Variants in GNA14 observed in about 807,000 individuals in gnomAD.
The protein encoded by GNA14 is guanine nucleotide-binding protein subunit alpha-14.
Under a neutral mutation model 42.0 loss-of-function variants are expected in GNA14, and 50 were observed. The ratio of observed to expected loss-of-function variants is 1.19; its 90% CI spans 0.95 to 1.51. GNA14 has a LOEUF of 1.51. Ranked by LOEUF, GNA14 falls within the 40% of genes most tolerant of loss-of-function variation. The probability of loss-of-function intolerance (pLI) is 0.00; values close to 1 mark genes in which losing one functional copy is unlikely to be tolerated. For missense variants in GNA14, 473 were observed against 446.2 expected (o/e 1.06, Z -0.54); for synonymous variants, 173 against 163.1 (o/e 1.06, Z -0.46).
intron 1 of GNA14, among the ~76,000 whole-genome samples, chr9:77,569,197 C>T (rs529990470): frequency 1.2e-4 from 18 of 152,002 alleles, no homozygotes; most frequent in South Asian, 1.0e-3. Context: ...GTTCCCTCCC[C>T]GCAGAAGGTG....
intron 2 of GNA14, among the ~76,000 whole-genome samples, chr9:77,523,750 C>G (rs1722022984): frequency 1.3e-5 from 2 of 152,250 alleles, no homozygotes; most frequent in South Asian, 4.2e-4. Context: ...CTGTGAAGAG[C>G]CTGTAGGCCT....
intron 2 of GNA14, among the ~76,000 whole-genome samples, chr9:77,476,597 T>G (rs781758167): frequency 6.6e-6 from 1 of 152,248 alleles, no homozygotes; most frequent in African/African-American, 2.4e-5. Flanking sequence ...AACTGGTGAC[T>G]TCAACACATA....
At chr9:77,564,557 G>A (rs1045999092) in intron 1 of GNA14, among the ~76,000 whole-genome samples, 7 of 152,112 alleles carry the variant, frequency 4.6e-5, no homozygotes, top group Non-Finnish European at 7.3e-5. Flanking sequence ...GGCTGGGCAT[G>A]GTGGCTCATG....
At chr9:77,452,092 T>C (rs1441851670) in intron 2 of GNA14, among the ~76,000 whole-genome samples, 2 of 152,082 alleles carry the variant, frequency 1.3e-5, no homozygotes, top group Admixed American at 6.5e-5. Context: ...AGAGACACGA[T>C]CCAGTAAGAG....
intron 2 of GNA14, chr9:77,517,585 C>CTT (rs1564039528): frequency 8.2e-5 from 4 of 48,844 alleles, no homozygotes; most frequent in African/African-American, 2.4e-4. Flanking sequence ...TATCCTGGTA[C>CTT]TTTTCTTTTT....
At chr9:77,580,895 A>G (rs1387700936) in intron 1 of GNA14, among the ~76,000 whole-genome samples, 2 of 152,136 alleles carry the variant, frequency 1.3e-5, no homozygotes. Context: ...TTTTAAAAGA[A>G]TCTACTGACG....
intron 2 of GNA14, among the ~76,000 whole-genome samples, chr9:77,481,877 C>A (rs1836558602): frequency 6.6e-6 from 1 of 152,064 alleles, no homozygotes; most frequent in South Asian, 2.1e-4. Flanking sequence ...GCAACTCCTG[C>A]CTTTTTCTGT....
In GNA14 at chr9:77,647,875, TGC is replaced by T; in HGVS notation, c.-84_-83del. 3 of 1,501,450 alleles carry T rather than the reference TGC, an allele frequency of 2.0e-6. No homozygotes were observed. In the Admixed American group the frequency reaches 6.0e-5, roughly 30 times the overall value. The allele number at this position is 1,501,450 out of a possible 1,614,324, so 93.0% of individuals were successfully genotyped here. ...GGCCCGGCCGCTCACCCGGCCAGCATGCGACGGGCACAGGGGTGTGGAAAGAA... is the reference window on the plus strand; with the variant it reads ...GGCCCGGCCGCTCACCCGGCCAGCATGACGGGCACAGGGGTGTGGAAAGAA... On this transcript the variant is annotated 5_prime_UTR_variant, in exon 1 of 7. Coordinates refer to ENST00000341700, the MANE Select transcript of GNA14 (RefSeq NM_004297.4).
chr9:77,566,145 C>CTTTTT (rs956489720), intron 1 of GNA14, among the ~76,000 whole-genome samples: 12 of 102,494 alleles, frequency 1.2e-4, no homozygotes, highest in African/African-American at 2.0e-4. Flanking sequence ...GGGAGTGCTT[C>CTTTTT]TTTTTTTTTT....
intron 1 of GNA14, among the ~76,000 whole-genome samples, chr9:77,531,044 C>T (rs1434111100): frequency 1.3e-5 from 2 of 152,178 alleles, no homozygotes; most frequent in Non-Finnish European, 2.9e-5. Context: ...GTTAGCCCTG[C>T]CTGCTTTAGG....
intron 1 of GNA14, among the ~76,000 whole-genome samples, chr9:77,574,454 G>A (rs920044497): frequency 6.6e-5 from 10 of 152,172 alleles, no homozygotes; most frequent in African/African-American, 2.2e-4. Context: ...GTAGTTTATA[G>A]CTAATGATGA....
intron 2 of GNA14, among the ~76,000 whole-genome samples, chr9:77,481,026 G>A (rs1279347699): frequency 1.3e-5 from 2 of 151,900 alleles, no homozygotes; most frequent in East Asian, 3.9e-4. Context: ...TTTTTTGAAG[G>A]GTTTTTTGTG....
intron 2 of GNA14, among the ~76,000 whole-genome samples, chr9:77,519,300 A>G (rs1837312280): frequency 6.6e-6 from 1 of 152,062 alleles, no homozygotes; most frequent in African/African-American, 2.4e-5. Flanking sequence ...ATTCCCAGCT[A>G]TTCGGGAGGC....
At chr9:77,558,644 AG>A (rs1564053404) in intron 1 of GNA14, among the ~76,000 whole-genome samples, 1 of 152,126 alleles carries the variant, frequency 6.6e-6, no homozygotes, top group African/African-American at 2.4e-5. Context: ...AAACCAGATG[AG>A]GTTCTCCATT....
chr9:77,480,906 T>C lies in GNA14; in HGVS notation c.310-46384A>G, dbSNP rs540786427. On this transcript the variant is annotated intron_variant, in intron 2 of 6. Transcript: ENST00000341700. Reference sequence around the variant, plus strand: ...ATCAGTGGTGATATTCCCTTTATCATTTTTTTATTGCGTCTATTTGATTCT... The same window carrying C: ...ATCAGTGGTGATATTCCCTTTATCACTTTTTTATTGCGTCTATTTGATTCT... Among the ~76,000 whole-genome samples the C allele has an allele frequency of 1.6e-4, 25 of 152,178 alleles. No homozygotes were observed. The East Asian group carries it at 4.6e-3, about 28-fold the overall frequency.
At chr9:77,644,626 C>G (rs900304323) in intron 1 of GNA14, among the ~76,000 whole-genome samples, 1 of 152,134 alleles carries the variant, frequency 6.6e-6, no homozygotes, top group Admixed American at 6.5e-5. Flanking sequence ...AATTAATTTC[C>G]TTTGTTGAAG....
At chr9:77,441,185 A>G (rs992859015) in intron 2 of GNA14, among the ~76,000 whole-genome samples, 1 of 152,160 alleles carries the variant, frequency 6.6e-6, no homozygotes, top group Non-Finnish European at 1.5e-5. Flanking sequence ...CTGAATTGTA[A>G]TTCCCGTAAT....
chr9:77,556,729 C>T (rs1822786783), intron 1 of GNA14, among the ~76,000 whole-genome samples: 1 of 152,124 alleles, frequency 6.6e-6, no homozygotes, highest in Non-Finnish European at 1.5e-5. Flanking sequence ...ATGTGCCCTA[C>T]CACCACCCCC....
chr9:77,548,771 G>GTAAA (rs1408626118), intron 1 of GNA14, among the ~76,000 whole-genome samples: 1 of 152,150 alleles, frequency 6.6e-6, no homozygotes, highest in Non-Finnish European at 1.5e-5. Context: ...TTGATTAGGA[G>GTAAA]TAAATGTGCA....
Sources: gnomAD v4.1 joint callset for allele counts (sites outside exome capture counted in the v4.1 genomes callset) on GRCh38, gnomAD v4.1.1 for gene constraint, MANE v1.5 for transcripts, NCBI Gene and HGNC (gene_info 2026-07-23, HGNC 2026-07-21) for gene names.